Variants in MYOM1 observed in about 807,000 individuals in gnomAD.
MYOM1 encodes myomesin 1.
In MYOM1, 164 loss-of-function variants were observed where a neutral mutation model predicts 205.3. The observed-to-expected ratio is 0.80, with a 90% CI of 0.70 to 0.91. MYOM1 has a LOEUF of 0.91. Ranked by LOEUF, MYOM1 falls within the 40% of genes least tolerant of loss-of-function variation. The probability of loss-of-function intolerance (pLI) is 0.00; values close to 1 mark genes in which losing one functional copy is unlikely to be tolerated. For synonymous variants in MYOM1, 772 were observed against 789.4 expected (o/e 0.98, Z 0.37); for missense variants, 2,011 against 2,127.3 (o/e 0.95, Z 1.08).
At chr18:3,085,656 A>C (rs2079144936) in intron 30 of MYOM1, among the ~76,000 whole-genome samples, 2 of 152,216 alleles carry the variant, frequency 1.3e-5, no homozygotes, top group South Asian at 4.1e-4. Flanking sequence ...CTAGTTTTAT[A>C]GTGATATATT....
intron 27 of MYOM1, 44 bp downstream of exon 27, chr18:3,090,614 G>C (rs745614000): frequency 1.9e-6 from 3 of 1,606,368 alleles, no homozygotes; most frequent in East Asian, 2.2e-5. Flanking sequence ...TTAGATTGAA[G>C]GGAGTAGCAA....
intron 29 of MYOM1, 50 bp from the exon 30 acceptor site, chr18:3,086,201 T>C: frequency 8.3e-7 from 1 of 1,202,312 alleles, no homozygotes. Flanking sequence ...AGTGTACTCT[T>C]GTGAAGTTGA....
chr18:3,101,245 C>T (rs1289358014), intron 23 of MYOM1, among the ~76,000 whole-genome samples: 2 of 152,170 alleles, frequency 1.3e-5, no homozygotes, highest in African/African-American at 2.4e-5. Flanking sequence ...CTGAGACACA[C>T]TGGGCTTCAT....
At chr18:3,121,074 A>G (rs758896560) in intron 19 of MYOM1, among the ~76,000 whole-genome samples, 32 of 152,246 alleles carry the variant, frequency 2.1e-4, no homozygotes, top group Non-Finnish European at 3.8e-4. Context: ...ATTACACAGA[A>G]CATGATGTGG....
intron 2 of MYOM1, among the ~76,000 whole-genome samples, chr18:3,204,797 T>C (rs1306732411): frequency 6.6e-6 from 1 of 152,010 alleles, no homozygotes; most frequent in Non-Finnish European, 1.5e-5. Flanking sequence ...CTAAGAGGAC[T>C]TACATTCACC....
At chr18:3,197,096 G>A (rs2080998489) in intron 2 of MYOM1, among the ~76,000 whole-genome samples, 1 of 151,614 alleles carries the variant, frequency 6.6e-6, no homozygotes, top group South Asian at 2.1e-4. Context: ...TTGATTTTCA[G>A]GTTAGTGTTC....
chr18:3,183,187 C>T (rs984471463), intron 5 of MYOM1, among the ~76,000 whole-genome samples: 1 of 152,184 alleles, frequency 6.6e-6, no homozygotes, highest in Non-Finnish European at 1.5e-5. Context: ...ACTCGGCCTC[C>T]CAAAGTGCTG....
intron 36 of MYOM1, among the ~76,000 whole-genome samples, 191 bp downstream of exon 36, chr18:3,075,263 C>G (rs537749092): frequency 2.6e-4 from 40 of 152,194 alleles, no homozygotes; most frequent in Middle Eastern, 3.4e-3. Flanking sequence ...TACAATGTAA[C>G]CTGAGACCTT....
At chr18:3,070,734 C>A (rs2078948921) in intron 37 of MYOM1, among the ~76,000 whole-genome samples, 1 of 86,768 alleles carries the variant, frequency 1.2e-5, no homozygotes, top group Non-Finnish European at 2.3e-5. Context: ...GGTGCATGTT[C>A]TTTGTGTGTG....
rs372432361 is a variant in MYOM1, at chr18:3,137,253, G to A, written c.2026-1523C>T. ...CGTGAGCCACCATGCCCGGCCCAGTGTTTTTTTTCTAAATGACTGAAAGAT... is the reference window on the plus strand; with the variant it reads ...CGTGAGCCACCATGCCCGGCCCAGTATTTTTTTTCTAAATGACTGAAAGAT... On this transcript the variant is annotated intron_variant, in intron 14 of 37. Coordinates refer to ENST00000356443, the MANE Select transcript of MYOM1 (RefSeq NM_003803.4). 3.2e-4 allele frequency among the ~76,000 whole-genome samples: 49 copies of A among 151,750 alleles called. 1 individual carries two copies. The South Asian group carries it at 7.7e-3, about 24-fold the overall frequency.
At chr18:3,113,902 G>A (rs533983785) in intron 21 of MYOM1, among the ~76,000 whole-genome samples, 10 of 152,166 alleles carry the variant, frequency 6.6e-5, no homozygotes, top group African/African-American at 1.4e-4. Flanking sequence ...AATGAGGTAC[G>A]TATTAAATTG....
chr18:3,246,876 T>C, the MYOM1 span: 1 of 152,218 alleles, frequency 6.6e-6, no homozygotes, highest in Non-Finnish European at 1.5e-5. Context: ...TATCGGATTC[T>C]GGGCGGAAAA....
rs17177472 is a variant in MYOM1 at position 3,175,913 on chromosome 18, C to T, written c.1022+129G>A. The T allele has an allele frequency of 2.5e-3, 1,490 of 602,950 alleles. 10 individuals are homozygous for T. Among genetic ancestry groups the T allele is most frequent in the African/African-American group, 0.02 (1,080 of 54,806 alleles). The allele number at this position is 602,950 out of a possible 1,614,324, so 37.3% of individuals were successfully genotyped here. On this transcript the variant is annotated intron_variant, in intron 6 of 37. Coordinates refer to ENST00000356443, the MANE Select transcript of MYOM1 (RefSeq NM_003803.4). The stretch of plus-strand genomic sequence containing the variant: ...TTCAGGTGTGCACCCAGAGAAGCAC[C>T]GTATACGAATGTCCCTCAGTGTGAT...
chr18:3,150,617 G>A (rs2143984701), intron 12 of MYOM1, among the ~76,000 whole-genome samples: 1 of 152,248 alleles, frequency 6.6e-6, no homozygotes, highest in East Asian at 1.9e-4. Context: ...TAAAGTGCCA[G>A]TAGGGCCAAG....
chr18:3,240,294 A>ATATGGTT, the MYOM1 span, among the ~76,000 whole-genome samples: 1 of 152,184 alleles, frequency 6.6e-6, no homozygotes, highest in Non-Finnish European at 1.5e-5. Context: ...AGAGCCAGTG[A>ATATGGTT]TATGGTTTGG....
At chr18:3,079,445 C>CA in intron 33 of MYOM1, 103 bp from the exon 34 acceptor site, 1 of 1,283,174 alleles carries the variant, frequency 7.8e-7, no homozygotes, top group African/African-American at 1.5e-5. Context: ...TGTAGGCTTT[C>CA]AAAAAACGAG....
chr18:3,198,008 T>A (rs900478499), intron 2 of MYOM1, among the ~76,000 whole-genome samples: 44 of 152,216 alleles, frequency 2.9e-4, no homozygotes, highest in African/African-American at 1.0e-3. Context: ...GTTGATTTGC[T>A]CTCCCTGAAT....
upstream of MYOM1, among the ~76,000 whole-genome samples, chr18:3,220,416 G>A (rs1342076611): frequency 3.3e-5 from 5 of 152,194 alleles, no homozygotes; most frequent in African/African-American, 9.7e-5. Context: ...ACGTGGTGGC[G>A]ATTTTTGCCT....
Position 3,129,490 on chromosome 18 carries a change from C to A in MYOM1, c.2536G>T (p.Ala846Ser). 6.2e-7 allele frequency: 1 copy of A among 1,613,458 alleles called. No individual in the cohort carries two copies. The highest frequency in any genetic ancestry group is 8.5e-7 in the Non-Finnish European group (1 of 1,179,602). The change falls in exon 18 of 38, where the codon GCA (alanine) becomes TCA (serine). Residue 846 changes from alanine (A) to serine (S), a missense_variant. Coordinates refer to ENST00000356443, the MANE Select transcript of MYOM1 (RefSeq NM_003803.4). ...AGTCCACCAGGCTCATCGCTCAGTG[C>A]GGGACACACATCTGGAGACACTCCT... ...GGGVSPDVCP[A>S]LSDEPGGLTA...
Sources: allele counts gnomAD v4.1 joint callset (sites outside exome capture counted in the v4.1 genomes callset), GRCh38; gene constraint gnomAD v4.1.1; transcripts MANE v1.5; gene names NCBI Gene and HGNC (gene_info 2026-07-23, HGNC 2026-07-21).